Variants in WDHD1 observed in about 807,000 individuals in gnomAD.
The protein encoded by WDHD1 is WD repeat and HMG-box DNA-binding protein 1.
A neutral mutation model predicts 135.4 loss-of-function variants in WDHD1; 111 were observed. That is an observed-to-expected ratio of 0.82 (90% CI 0.70 to 0.96). WDHD1 has a LOEUF of 0.96. Ranked by LOEUF, WDHD1 falls within the 40% of genes least tolerant of loss-of-function variation. WDHD1 has a pLI of 0.00. For missense variants in WDHD1, 1,351 were observed against 1,336.3 expected (o/e 1.01, Z -0.17); for synonymous variants, 434 against 439.0 (o/e 0.99, Z 0.14).
At chr14:55,006,162 G>C (rs554477337) in intron 7 of WDHD1, among the ~76,000 whole-genome samples, 24 of 152,158 alleles carry the variant, frequency 1.6e-4, no homozygotes, top group African/African-American at 5.8e-4. Context: ...CCACACATAG[G>C]CTGTTGTTTT....
chr14:54,974,627 A>C (rs1037163000), intron 16 of WDHD1, among the ~76,000 whole-genome samples: 12 of 151,980 alleles, frequency 7.9e-5, no homozygotes, highest in African/African-American at 2.7e-4. Context: ...GGAGATCGAG[A>C]CCAGCCTGGG....
chr14:54,958,288 G>A (rs561452526), intron 21 of WDHD1, among the ~76,000 whole-genome samples: 2 of 151,976 alleles, frequency 1.3e-5, no homozygotes, highest in South Asian at 2.1e-4. Flanking sequence ...TACCACGCCC[G>A]GCTAATTTTT....
chr14:54,982,014 A>T (rs375258361), intron 15 of WDHD1, among the ~76,000 whole-genome samples: 42 of 149,210 alleles, frequency 2.8e-4, no homozygotes, highest in East Asian at 9.8e-4. Context: ...TATTATTATT[A>T]TTTTTTTTTT....
chr14:55,011,638 C>T (rs60028867), intron 3 of WDHD1, among the ~76,000 whole-genome samples: 42,674 of 147,156 alleles, frequency 0.29, 6,094 homozygotes, highest in South Asian at 0.31. Context: ...TTGTTATATT[C>T]GTGTGTGTGT....
chr14:55,002,167 C>T lies in WDHD1; in HGVS notation c.619G>A (p.Glu207Lys), dbSNP rs748668601. The T allele has an allele frequency of 5.0e-6, 8 of 1,599,054 alleles. No individual in the cohort carries two copies. In the East Asian group the frequency reaches 1.8e-4, roughly 36 times the overall value. The change falls in exon 8 of 26, where the codon GAA becomes AAA. Residue 207 changes from glutamate to lysine, a missense_variant. Glu to Lys is a moderately conservative substitution (Grantham distance 56, BLOSUM62 1). This residue lies in a region of WDHD1 where 1,330 missense variants were observed against 1,296.1 expected (regional missense o/e 1.03). Coordinates refer to ENST00000360586, the MANE Select transcript of WDHD1 (RefSeq NM_007086.4). ...CTTCTATATAGCTTAACAGATTTTT[C>T]CACAGGAATTGCCAGTAACTATTAG... ...KSGKLLAIPV[E>K]KSVKLYRRES...
intron 24 of WDHD1, among the ~76,000 whole-genome samples, chr14:54,945,916 T>C (rs1225195340): frequency 6.6e-6 from 1 of 152,166 alleles, no homozygotes; most frequent in South Asian, 2.1e-4. Flanking sequence ...ATAAAAAGTC[T>C]AAACTTTTTA....
intron 23 of WDHD1, among the ~76,000 whole-genome samples, chr14:54,956,360 G>A (rs2041158884): frequency 6.6e-6 from 1 of 152,148 alleles, no homozygotes; most frequent in African/African-American, 2.4e-5. Context: ...AGGATAGGCT[G>A]GGTGCGGTGG....
intron 2 of WDHD1, among the ~76,000 whole-genome samples, chr14:55,020,347 C>G (rs2042325088): frequency 6.6e-6 from 1 of 152,190 alleles, no homozygotes; most frequent in African/African-American, 2.4e-5. Context: ...AATTCTCAGT[C>G]TTCAACCTGA....
intron 11 of WDHD1, among the ~76,000 whole-genome samples, chr14:54,993,052 T>C (rs1488698177): frequency 6.6e-6 from 1 of 152,234 alleles, no homozygotes; most frequent in Non-Finnish European, 1.5e-5. Flanking sequence ...ATTCATATGT[T>C]ACAAAATTAA....
chr14:54,995,780 GATC>G lies in WDHD1; in HGVS notation c.973_975del (p.Asp325del). The G allele has an allele frequency of 1.9e-6, 3 of 1,610,162 alleles. No homozygotes were observed. Among genetic ancestry groups the G allele is most frequent in the Non-Finnish European group, 2.5e-6 (3 of 1,178,154 alleles). ...TTACTCATATCATCTCCATCAAAAA[GATC>G]ATTATAATCCTTTTCCACTCTGCTA... is the stretch of plus-strand genomic sequence containing the variant. On this transcript the variant is annotated inframe_deletion, in exon 11 of 26. Coordinates refer to ENST00000360586, the MANE Select transcript of WDHD1 (RefSeq NM_007086.4).
At chr14:55,024,183 T>C (rs1797197122) in intron 2 of WDHD1, among the ~76,000 whole-genome samples, 1 of 152,256 alleles carries the variant, frequency 6.6e-6, no homozygotes, top group African/African-American at 2.4e-5. Context: ...TGTATATTTC[T>C]ATCTCTAGCT....
Position 55,014,460 on chromosome 14 carries a change from C to T in WDHD1, c.78-864G>A, listed in dbSNP as rs145747032. Among the ~76,000 whole-genome samples, 5 of 152,210 alleles carry T rather than the reference C, an allele frequency of 3.3e-5. No individual in the cohort carries two copies. The East Asian group carries it at 5.8e-4, about 18-fold the overall frequency. ...TAATCTGCAACAATAAAATAGGGAC[C>T]GTATCTTCCTTGTCCACCATTGTAT... On this transcript the variant is annotated intron_variant, in intron 2 of 25. Coordinates refer to ENST00000360586, the MANE Select transcript of WDHD1 (RefSeq NM_007086.4).
At chr14:54,972,281 A>G (rs2041448552) in intron 16 of WDHD1, among the ~76,000 whole-genome samples, 1 of 150,502 alleles carries the variant, frequency 6.6e-6, no homozygotes, top group African/African-American at 2.4e-5. Flanking sequence ...TCTCACCAAA[A>G]AAAAAAAAAA....
chr14:54,966,355 C>CAACAAA, intron 18 of WDHD1, 120 bp downstream of exon 18: 9 of 1,195,022 alleles, frequency 7.5e-6, no homozygotes, highest in Non-Finnish European at 6.6e-6. Context: ...ACAACAACAA[C>CAACAAA]AAAAAAAAAC....
intron 16 of WDHD1, among the ~76,000 whole-genome samples, chr14:54,979,010 C>G (rs111226731): frequency 1.1e-4 from 16 of 152,040 alleles, no homozygotes; most frequent in African/African-American, 3.9e-4. Context: ...TTGGCTCCTT[C>G]TTTTAAATTA....
At chr14:54,954,217 C>T (rs1298407478) in intron 24 of WDHD1, among the ~76,000 whole-genome samples, 1 of 151,974 alleles carries the variant, frequency 6.6e-6, no homozygotes, top group Non-Finnish European at 1.5e-5. Flanking sequence ...ACCTGGGAGG[C>T]GGAGGTTGCA....
chr14:54,968,739 T>C (rs377540562), intron 16 of WDHD1, among the ~76,000 whole-genome samples: 4 of 152,140 alleles, frequency 2.6e-5, no homozygotes, highest in Non-Finnish European at 5.9e-5. Flanking sequence ...TGAACACTTC[T>C]ATGTGCACAA....
intron 21 of WDHD1, among the ~76,000 whole-genome samples, chr14:54,960,955 A>G (rs904365680): frequency 1.3e-5 from 2 of 152,172 alleles, no homozygotes; most frequent in African/African-American, 4.8e-5. Flanking sequence ...GTGTACTACC[A>G]TGCCTGGCTA....
intron 14 of WDHD1, among the ~76,000 whole-genome samples, chr14:54,986,493 G>T (rs2041696909): frequency 6.6e-6 from 1 of 151,950 alleles, no homozygotes; most frequent in South Asian, 2.1e-4. Flanking sequence ...CAGAATCTAT[G>T]AATCTATTTC....
Sources: gnomAD v4.1 joint callset for allele counts (sites outside exome capture counted in the v4.1 genomes callset) on GRCh38, gnomAD v4.1.1 for gene constraint, gnomAD v4.1.1 regional missense constraint, MANE v1.5 for transcripts, NCBI Gene and HGNC (gene_info 2026-07-23, HGNC 2026-07-21) for gene names.